Variants in SLC15A1 observed in about 807,000 individuals in gnomAD.
SLC15A1 encodes solute carrier family 15 member 1.
Under a neutral mutation model 92.9 loss-of-function variants are expected in SLC15A1, and 83 were observed. The observed-to-expected ratio is 0.89, with a 90% CI of 0.75 to 1.07. The LOEUF (loss-of-function observed/expected upper bound fraction) is 1.07, where lower values mean the gene tolerates loss of function less well. Ranked by LOEUF, SLC15A1 falls within the 50% of genes least tolerant of loss-of-function variation. The probability of loss-of-function intolerance (pLI) is 0.00; values close to 1 mark genes in which losing one functional copy is unlikely to be tolerated. For synonymous variants in SLC15A1, 322 were observed against 318.2 expected (o/e 1.01, Z -0.13); for missense variants, 857 against 880.1 (o/e 0.97, Z 0.33).
intron 18 of SLC15A1, among the ~76,000 whole-genome samples, chr13:98,699,985 T>C (rs2139570854): frequency 6.6e-6 from 1 of 152,362 alleles, no homozygotes; most frequent in East Asian, 1.9e-4. Context: ...ATTAAGATTA[T>C]ACAGATTTGC....
Position 98,709,569 on chromosome 13 carries a change from T to C in SLC15A1, c.1067+3A>G. 6.2e-7 allele frequency: 1 copy of C among 1,613,942 alleles called. No individual in the cohort carries two copies. The highest frequency in any genetic ancestry group is 8.5e-7 in the Non-Finnish European group (1 of 1,179,886). ...CAACCAACCCAACCCACCCGTCACC[T>C]ACGTGAAATTGAAGCCACATTTTGC... On this transcript the variant is annotated splice_donor_region_variant and intron_variant, in intron 14 of 22. Coordinates refer to ENST00000376503, the MANE Select transcript of SLC15A1 (RefSeq NM_005073.4).
At chr13:98,721,152 T>A (rs1450589442) in intron 7 of SLC15A1, 1 of 518,658 alleles carries the variant, frequency 1.9e-6, no homozygotes, top group Non-Finnish European at 3.9e-6. Context: ...AAGGCTAAAA[T>A]GGCAGCTACG....
chr13:98,710,012 A>G (rs899878165), intron 11 of SLC15A1, 101 bp from the exon 12 acceptor site: 71 of 1,071,910 alleles, frequency 6.6e-5, no homozygotes, highest in Non-Finnish European at 8.6e-6. Context: ...GAGGTCTGAC[A>G]TGTTATGGGA....
chr13:98,723,788 G>T, intron 5 of SLC15A1, 124 bp downstream of exon 5: 1 of 1,351,904 alleles, frequency 7.4e-7, no homozygotes, highest in Non-Finnish European at 1.0e-6. Context: ...TCTCCATGCT[G>T]CCCAAGGGGG....
intron 5 of SLC15A1, 89 bp downstream of exon 5, chr13:98,723,823 G>A: frequency 6.4e-7 from 1 of 1,571,420 alleles, no homozygotes; most frequent in East Asian, 2.3e-5. Context: ...TATGCTCTCA[G>A]TGAAGTTCAA....
intron 8 of SLC15A1, 93 bp from the exon 9 acceptor site, chr13:98,716,053 T>G: frequency 9.2e-7 from 1 of 1,082,112 alleles, no homozygotes; most frequent in Non-Finnish European, 1.4e-6. Context: ...TATAACTTTG[T>G]TTTGGGATAA....
At position 98,709,757 on chromosome 13, in the gene SLC15A1, C is replaced by T; in HGVS notation, c.963G>A (p.Gln321=). Residue 321 remains glutamine, a synonymous_variant, in exon 13 of 23, where the codon CAG becomes CAA. Transcript: ENST00000376503. The part of the protein sequence containing the change: ...MSGKIGALEI[Q]PDQMQTVNAI... ...TGTCTTCTACCTGCATCTGATCGGG[C>T]TGAATTTCAAGAGCTCCCTAAAAAG... The T allele has an allele frequency of 6.2e-7, 1 of 1,614,116 alleles. No individual in the cohort carries two copies. Among genetic ancestry groups the T allele is most frequent in the East Asian group, 2.2e-5 (1 of 44,880 alleles).
At chr13:98,725,960 C>A (rs1340387432) in intron 4 of SLC15A1, among the ~76,000 whole-genome samples, 163 bp downstream of exon 4, 1 of 152,120 alleles carries the variant, frequency 6.6e-6, no homozygotes, top group African/African-American at 2.4e-5. Flanking sequence ...CCTGCCTCAG[C>A]CTCTCAAAGT....
rs118037103 is a variant in SLC15A1 at position 98,694,002 on chromosome 13, T to C, written c.1467-5425A>G. On this transcript the variant is annotated intron_variant, in intron 18 of 22. Transcript: ENST00000376503. ...CCAGGTGGCCTCCCTCACCAATTGCTTACCCCCTAAATCTTTCAGGATTTA... is the reference window on the plus strand; with the variant it reads ...CCAGGTGGCCTCCCTCACCAATTGCCTACCCCCTAAATCTTTCAGGATTTA... 1.1e-4 allele frequency among the ~76,000 whole-genome samples: 17 copies of C among 152,324 alleles called. No homozygotes were observed. The East Asian group carries it at 2.9e-3, about 26-fold the overall frequency.
intron 18 of SLC15A1, among the ~76,000 whole-genome samples, chr13:98,689,306 C>T (rs1372036244): frequency 6.6e-6 from 1 of 152,206 alleles, no homozygotes; most frequent in South Asian, 2.1e-4. Context: ...AAAGATAGAC[C>T]CCAGTTCCTA....
chr13:98,696,289 C>T (rs1406293607), intron 18 of SLC15A1, among the ~76,000 whole-genome samples: 1 of 150,736 alleles, frequency 6.6e-6, no homozygotes, highest in Non-Finnish European at 1.5e-5. Flanking sequence ...TGGCATGTGC[C>T]TGTAATCCCA....
intron 1 of SLC15A1, among the ~76,000 whole-genome samples, chr13:98,752,019 T>G (rs1311049203): frequency 6.6e-6 from 1 of 152,208 alleles, no homozygotes; most frequent in Non-Finnish European, 1.5e-5. Flanking sequence ...CTAGCTGTTT[T>G]GCTGACGCTC....
intron 1 of SLC15A1, among the ~76,000 whole-genome samples, chr13:98,739,974 A>G (rs9517428): frequency 0.96 from 146,197 of 152,198 alleles, 70,281 homozygotes; most frequent in African/African-American, 0.97. Flanking sequence ...GGTAGCCATC[A>G]AAGAAGAAAG....
At position 98,724,020 on chromosome 13, in the gene SLC15A1, G is replaced by A. The variant is rs758384867; in HGVS notation, c.257C>T (p.Ser86Leu). Residue 86 changes from serine (S) to leucine (L), a missense_variant, in exon 5 of 23, where the codon TCG (serine) becomes TTG (leucine). Ser to Leu is a moderately radical substitution (Grantham distance 145). Transcript: ENST00000376503. ...TCCAATTGTGTAGACAATGGAGAGC[G>A]ACACAATGGTCCTGTGTTTCCAAAG... ...SWLGKFKTIV[S>L]LSIVYTIGQA... The A allele has an allele frequency of 8.7e-6, 14 of 1,613,952 alleles. No homozygotes were observed. Among genetic ancestry groups the A allele is most frequent in the East Asian group, 6.7e-5 (3 of 44,882 alleles).
chr13:98,689,573 G>T (rs533099871), intron 18 of SLC15A1, among the ~76,000 whole-genome samples: 1 of 152,286 alleles, frequency 6.6e-6, no homozygotes, highest in South Asian at 2.1e-4. Flanking sequence ...AGCTTCCTGA[G>T]TAGCTGGGAC....
At chr13:98,733,691 C>G (rs1337356859) in intron 1 of SLC15A1, among the ~76,000 whole-genome samples, 1 of 152,224 alleles carries the variant, frequency 6.6e-6, no homozygotes, top group Non-Finnish European at 1.5e-5. Flanking sequence ...AGTGGAAAGA[C>G]ATGGGCTTTT....
At chr13:98,714,367 CTAAT>C (rs972221620) in intron 9 of SLC15A1, among the ~76,000 whole-genome samples, 2 of 152,022 alleles carry the variant, frequency 1.3e-5, no homozygotes, top group African/African-American at 4.8e-5. Context: ...ATACAACAAT[CTAAT>C]AGTACAATAC....
At chr13:98,685,823 T>TA (rs1240233840) in intron 22 of SLC15A1, among the ~76,000 whole-genome samples, 1 of 152,022 alleles carries the variant, frequency 6.6e-6, no homozygotes. Flanking sequence ...CTGTCTCTAC[T>TA]AAAAATACAA....
At chr13:98,709,535 A>C in intron 14 of SLC15A1, 37 bp downstream of exon 14, 1 of 1,582,632 alleles carries the variant, frequency 6.3e-7, no homozygotes, top group Middle Eastern at 1.7e-4. Context: ...CCTGGGACCA[A>C]GGGAGCCTCA....
Sources: gnomAD v4.1 joint callset for allele counts (sites outside exome capture counted in the v4.1 genomes callset) on GRCh38, gnomAD v4.1.1 for gene constraint, MANE v1.5 for transcripts, NCBI Gene and HGNC (gene_info 2026-07-23, HGNC 2026-07-21) for gene names.